LRRC37A2: variants seen among roughly 807,000 people sequenced by gnomAD.
The protein encoded by LRRC37A2 is leucine rich repeat containing 37 member A2, also known as leucine-rich repeat-containing protein 37A2.
A neutral mutation model predicts 68.8 loss-of-function variants in LRRC37A2; 9 were observed. That is an observed-to-expected ratio of 0.13 (90% CI 0.08 to 0.23). The LOEUF is 0.23. Ranked by LOEUF, LRRC37A2 falls within the 10% of genes least tolerant of loss-of-function variation. The pLI is 1.00. For synonymous variants in LRRC37A2, 63 were observed against 367.6 expected (o/e 0.17, Z 9.48); for missense variants, 168 against 950.4 (o/e 0.18, Z 10.82).
At chr17:46,913,058 G>A in the LRRC37A2 span, among the ~76,000 whole-genome samples, 29 of 152,324 alleles carry the variant, frequency 1.9e-4, no homozygotes, top group African/African-American at 5.3e-4. Context: ...AACGAGCCAC[G>A]GCTGTCCCAG....
the LRRC37A2 span, among the ~76,000 whole-genome samples, chr17:46,845,212 A>G: frequency 6.6e-6 from 1 of 152,130 alleles, no homozygotes; most frequent in Non-Finnish European, 1.5e-5. Context: ...TTTCTGTTGT[A>G]AAACACCCCA....
chr17:46,945,090 T>C, the LRRC37A2 span, among the ~76,000 whole-genome samples: 1 of 152,060 alleles, frequency 6.6e-6, no homozygotes, highest in Non-Finnish European at 1.5e-5. Flanking sequence ...CAGGAAGAGC[T>C]TTCTGTGAGA....
At chr17:46,905,441 A>G in the LRRC37A2 span, among the ~76,000 whole-genome samples, 1 of 152,228 alleles carries the variant, frequency 6.6e-6, no homozygotes, top group Non-Finnish European at 1.5e-5. Flanking sequence ...GATGCTTGGA[A>G]TAACCCACTT....
chr17:46,845,522 C>T, the LRRC37A2 span, among the ~76,000 whole-genome samples: 2 of 136,700 alleles, frequency 1.5e-5, no homozygotes, highest in African/African-American at 5.6e-5. Context: ...CAGAGTCTTG[C>T]TCTGTCACCC....
chr17:46,709,766 A>G, the LRRC37A2 span, among the ~76,000 whole-genome samples: 258 of 152,300 alleles, frequency 1.7e-3, no homozygotes, highest in Non-Finnish European at 2.6e-3. Context: ...AAGTGCTGGG[A>G]TTATAGGCTT....
At chr17:46,783,524 C>A in the LRRC37A2 span, among the ~76,000 whole-genome samples, 22 of 152,328 alleles carry the variant, frequency 1.4e-4, no homozygotes, top group East Asian at 3.9e-4. Context: ...GACCAACAAG[C>A]ATTTCTTGAG....
chr17:46,801,893 C>A, the LRRC37A2 span, among the ~76,000 whole-genome samples: 1 of 152,140 alleles, frequency 6.6e-6, no homozygotes, highest in East Asian at 1.9e-4. Context: ...GAACTGTTTC[C>A]CCGCCAAGCC....
At chr17:46,991,615 A>AAAAAT in the LRRC37A2 span, among the ~76,000 whole-genome samples, 754 of 150,560 alleles carry the variant, frequency 5.0e-3, 20 homozygotes, top group East Asian at 0.068. Context: ...TCCATCTCAA[A>AAAAAT]AAAATAAAAT....
chr17:46,714,130 G>A, the LRRC37A2 span: 1 of 774,330 alleles, frequency 1.3e-6, no homozygotes, highest in Middle Eastern at 3.9e-4. Flanking sequence ...AGCAGAATAT[G>A]GGGGAAGCAG....
chr17:46,830,525 C>T, the LRRC37A2 span: 2 of 396,010 alleles, frequency 5.1e-6, no homozygotes, highest in Non-Finnish European at 8.9e-6. Context: ...GGATTACAGG[C>T]ATGAGCCACC....
At chr17:47,019,972 C>T in the LRRC37A2 span, among the ~76,000 whole-genome samples, 508 of 149,612 alleles carry the variant, frequency 3.4e-3, 3 homozygotes, top group Non-Finnish European at 5.8e-3. Context: ...TAATGTTAGG[C>T]CCCTTCTCCA....
the LRRC37A2 span, among the ~76,000 whole-genome samples, chr17:46,866,116 G>A: frequency 6.6e-6 from 1 of 152,166 alleles, no homozygotes; most frequent in Non-Finnish European, 1.5e-5. Context: ...GAAGAGAAAG[G>A]CACCTGGAAG....
the LRRC37A2 span, chr17:47,018,536 T>A: frequency 1.3e-6 from 2 of 1,520,454 alleles, no homozygotes; most frequent in African/African-American, 2.8e-5. Context: ...CAGGTAATGA[T>A]GTAGAACCTC....
the LRRC37A2 span, among the ~76,000 whole-genome samples, chr17:46,999,842 T>C: frequency 6.7e-6 from 1 of 150,246 alleles, no homozygotes; most frequent in Admixed American, 6.7e-5. Context: ...CTACTAAAAA[T>C]ATAAAAATTA....
chr17:46,817,449 C>T, the LRRC37A2 span, among the ~76,000 whole-genome samples: 1 of 152,160 alleles, frequency 6.6e-6, no homozygotes, highest in East Asian at 1.9e-4. Flanking sequence ...ATGTAGGGGG[C>T]TGGAGACTGG....
At chr17:46,490,365 C>T in the LRRC37A2 span, among the ~76,000 whole-genome samples, 5 of 151,082 alleles carry the variant, frequency 3.3e-5, no homozygotes, top group South Asian at 2.1e-4. Flanking sequence ...TCTGTGATTT[C>T]GATAATTAGT....
At chr17:46,416,636 GAGT>G in the LRRC37A2 span, among the ~76,000 whole-genome samples, 1 of 25,360 alleles carries the variant, frequency 3.9e-5, no homozygotes, top group African/African-American at 1.2e-4. Context: ...GGAGACAGGA[GAGT>G]ATTCTGAAAC....
At chr17:46,825,172 A>T in the LRRC37A2 span, among the ~76,000 whole-genome samples, 1 of 152,198 alleles carries the variant, frequency 6.6e-6, no homozygotes, top group African/African-American at 2.4e-5. Context: ...CATGGCTGTG[A>T]TCCTACCTGA....
chr17:46,609,816 TCTCA>T, the LRRC37A2 span, among the ~76,000 whole-genome samples: 2 of 139,158 alleles, frequency 1.4e-5, no homozygotes, highest in African/African-American at 2.7e-5. Context: ...TTCTCGGGTG[TCTCA>T]CTGTTTCTTT....
Sources: allele counts gnomAD v4.1 joint callset (sites outside exome capture counted in the v4.1 genomes callset), GRCh38; gene constraint gnomAD v4.1.1; transcripts MANE v1.5; gene names NCBI Gene and HGNC (gene_info 2026-07-23, HGNC 2026-07-21).